Variants in STPG2 observed in about 807,000 individuals in gnomAD.
The protein encoded by STPG2 is sperm-tail PG-rich repeat-containing protein 2.
In STPG2, 56 loss-of-function variants were observed where a neutral mutation model predicts 54.2. The observed-to-expected ratio is 1.03, with a 90% CI of 0.83 to 1.29. The LOEUF is 1.29. Among genes scored for constraint, STPG2 ranks in the 50% most tolerant of loss-of-function variants. The pLI, the probability that STPG2 is intolerant of heterozygous loss-of-function variation, is 0.00. For missense variants in STPG2, 596 were observed against 544.9 expected, an observed-to-expected ratio of 1.09 and a Z score of -0.93; for synonymous variants, 200 against 181.8, an observed-to-expected ratio of 1.10 and a Z score of -0.81.
At chr4:98,035,410 A>G (rs1445962971) in intron 5 of STPG2, among the ~76,000 whole-genome samples, 1 of 152,228 alleles carries the variant, frequency 6.6e-6, no homozygotes, top group African/African-American at 2.4e-5. Flanking sequence ...ATACCATCTC[A>G]TGCCAGTTAG....
intron 10 of STPG2, among the ~76,000 whole-genome samples, chr4:97,693,902 G>T (rs1262277131): frequency 1.3e-5 from 2 of 152,110 alleles, no homozygotes; most frequent in Non-Finnish European, 2.9e-5. Flanking sequence ...TAAATAACCT[G>T]CTCCTGAATG....
intron 1 of STPG2, among the ~76,000 whole-genome samples, chr4:98,141,942 GAAA>G (rs3974892): frequency 2.1e-5 from 2 of 96,890 alleles, no homozygotes; most frequent in Non-Finnish European, 4.0e-5. Flanking sequence ...CAGTAGTTGG[GAAA>G]AAAAAAAAAA....
intron 8 of STPG2, among the ~76,000 whole-genome samples, chr4:97,912,308 C>A (rs1304217737): frequency 6.6e-6 from 1 of 152,166 alleles, no homozygotes; most frequent in African/African-American, 2.4e-5. Flanking sequence ...CAGAACTGGG[C>A]TGAGGCTGAG....
chr4:97,631,980 C>T (rs1721297755), intron 10 of STPG2, among the ~76,000 whole-genome samples: 1 of 151,946 alleles, frequency 6.6e-6, no homozygotes. Flanking sequence ...GCTTGTCCAT[C>T]ACATGCAAAA....
intron 10 of STPG2, among the ~76,000 whole-genome samples, chr4:97,676,924 T>C (rs934155410): frequency 4.6e-5 from 7 of 152,158 alleles, no homozygotes; most frequent in African/African-American, 7.2e-5. Context: ...GCTTCTCCCA[T>C]ATCTTAGTAC....
chr4:98,082,495 A>T (rs985996517), intron 5 of STPG2, among the ~76,000 whole-genome samples: 2 of 111,532 alleles, frequency 1.8e-5, no homozygotes, highest in African/African-American at 7.4e-5. Flanking sequence ...TTTGTCGCCC[A>T]GGCTGGAGTA....
At chr4:98,105,268 G>T (rs1258446860) in intron 5 of STPG2, among the ~76,000 whole-genome samples, 4 of 152,018 alleles carry the variant, frequency 2.6e-5, no homozygotes, top group Admixed American at 2.6e-4. Flanking sequence ...CTTTAAATTC[G>T]GTTAAAGTTT....
intron 10 of STPG2, among the ~76,000 whole-genome samples, chr4:97,623,621 A>G (rs570874007): frequency 2.0e-5 from 3 of 152,074 alleles, no homozygotes; most frequent in African/African-American, 7.2e-5. Flanking sequence ...GTGGAGAAAA[A>G]ATTTTTAAAA....
intron 7 of STPG2, among the ~76,000 whole-genome samples, chr4:97,960,537 C>T (rs557664240): frequency 3.9e-5 from 6 of 152,204 alleles, no homozygotes; most frequent in Non-Finnish European, 4.4e-5. Context: ...AAATCAGTAG[C>T]TCTTCTATAT....
At chr4:97,803,251 A>T (rs1578578994) in intron 9 of STPG2, among the ~76,000 whole-genome samples, 1 of 152,280 alleles carries the variant, frequency 6.6e-6, no homozygotes, top group East Asian at 1.9e-4. Flanking sequence ...AGTTTGTTTC[A>T]AATTCTCTTT....
intron 5 of STPG2, among the ~76,000 whole-genome samples, chr4:98,006,403 G>A (rs1375573383): frequency 6.6e-6 from 1 of 152,170 alleles, no homozygotes; most frequent in Non-Finnish European, 1.5e-5. Context: ...GGCTGTGAGA[G>A]ACTGTGAGAA....
intron 8 of STPG2, among the ~76,000 whole-genome samples, chr4:97,920,054 T>C (rs1361630666): frequency 2.6e-5 from 4 of 152,142 alleles, no homozygotes; most frequent in Non-Finnish European, 4.4e-5. Flanking sequence ...TCTTCATCAG[T>C]TAAAAGTAGC....
chr4:97,990,280 T>C (rs1734962139), intron 5 of STPG2, among the ~76,000 whole-genome samples: 1 of 152,182 alleles, frequency 6.6e-6, no homozygotes, highest in Admixed American at 6.5e-5. Context: ...AATGAGGTCC[T>C]TGCTTCTAAA....
intron 8 of STPG2, among the ~76,000 whole-genome samples, chr4:97,861,343 C>G (rs773226875): frequency 6.6e-6 from 1 of 152,044 alleles, no homozygotes; most frequent in Non-Finnish European, 1.5e-5. Flanking sequence ...TAGCCAATAA[C>G]GAATGCTGGC....
chr4:97,470,072 G>A (rs1729885887), intron 4 of STPG2, among the ~76,000 whole-genome samples: 1 of 152,106 alleles, frequency 6.6e-6, no homozygotes, highest in African/African-American at 2.4e-5. Context: ...GATGAGCTAT[G>A]ATTGTAGATG....
At chr4:97,655,001 C>T (rs1722180504) in intron 10 of STPG2, among the ~76,000 whole-genome samples, 2 of 151,986 alleles carry the variant, frequency 1.3e-5, no homozygotes, top group African/African-American at 4.8e-5. Context: ...TAGTATAAAT[C>T]TAAACCTGGA....
intron 4 of STPG2, among the ~76,000 whole-genome samples, chr4:97,546,174 G>A (rs1731829572): frequency 6.6e-6 from 1 of 151,770 alleles, no homozygotes; most frequent in Non-Finnish European, 1.5e-5. Context: ...ATGATAAAAA[G>A]ACTGAAGGGC....
chr4:97,498,025 C>T (rs1249818068), intron 4 of STPG2, among the ~76,000 whole-genome samples: 4 of 151,874 alleles, frequency 2.6e-5, no homozygotes, highest in Non-Finnish European at 5.9e-5. Context: ...CTATAGACAG[C>T]CCTTACTAAG....
At chr4:98,142,754 A>G (rs1740334317) in intron 1 of STPG2, among the ~76,000 whole-genome samples, 1 of 152,184 alleles carries the variant, frequency 6.6e-6, no homozygotes, top group Non-Finnish European at 1.5e-5. Flanking sequence ...ACAGCCAGGA[A>G]ATCAAAATCC....
Sources: gnomAD v4.1 joint callset for allele counts (sites outside exome capture counted in the v4.1 genomes callset) on GRCh38, gnomAD v4.1.1 for gene constraint, MANE v1.5 for transcripts, NCBI Gene and HGNC (gene_info 2026-07-23, HGNC 2026-07-21) for gene names.